CUX1: variants seen among roughly 807,000 people sequenced by gnomAD.
CUX1 encodes cut like homeobox 1.
In CUX1, 31 loss-of-function variants were observed where a neutral mutation model predicts 158.8. The ratio of observed to expected loss-of-function variants is 0.20; its 90% CI spans 0.15 to 0.26. CUX1 has a LOEUF of 0.26. CUX1 is among the 10% of genes least tolerant of loss of function. The pLI is 1.00. For synonymous variants in CUX1, 879 were observed against 862.1 expected (o/e 1.02, Z -0.34); for missense variants, 1,589 against 2,014.6 (o/e 0.79, Z 4.04).
chr7:102,051,417 G>A (rs566450892), intron 3 of CUX1, among the ~76,000 whole-genome samples: 1 of 151,738 alleles, frequency 6.6e-6, no homozygotes, highest in South Asian at 2.1e-4. Flanking sequence ...AGAGACTGAC[G>A]CGGGCGTATC....
chr7:101,920,779 C>T (rs1438449843), intron 2 of CUX1, among the ~76,000 whole-genome samples: 2 of 152,170 alleles, frequency 1.3e-5, no homozygotes, highest in Non-Finnish European at 2.9e-5. Flanking sequence ...TCTAACTGAA[C>T]ATCCATTCCC....
At chr7:101,871,013 C>T (rs1349408063) in intron 1 of CUX1, among the ~76,000 whole-genome samples, 1 of 152,188 alleles carries the variant, frequency 6.6e-6, no homozygotes, top group Non-Finnish European at 1.5e-5. Context: ...AGTAGGAGAG[C>T]GGGTGTTGCC....
At chr7:102,269,826 C>G (rs1041378719) in intron 14 of CUX1, among the ~76,000 whole-genome samples, 28 of 148,928 alleles carry the variant, frequency 1.9e-4, no homozygotes, top group Non-Finnish European at 3.0e-4. Context: ...CATGCCCCCC[C>G]CAAACGCTTC....
chr7:102,150,585 C>T (rs1421221805), intron 8 of CUX1, among the ~76,000 whole-genome samples: 2 of 152,198 alleles, frequency 1.3e-5, no homozygotes, highest in African/African-American at 4.8e-5. Context: ...CTGATGCCAG[C>T]GTGCTTATTT....
rs139384054 is a variant in CUX1 at position 102,138,148 on chromosome 7, C to T, written c.675-20412C>T. On this transcript the variant is annotated intron_variant, in intron 8 of 23. Transcript: ENST00000292535. ...GCAGTGAGCCAAAATCGTGCCACTG[C>T]ACCCCAGCCTGGGCAACAAAGTGAG... is the stretch of plus-strand genomic sequence containing the variant. Among the ~76,000 whole-genome samples, 1,379 of 152,214 alleles carry T rather than the reference C, an allele frequency of 9.1e-3. 15 individuals carry two copies. The highest frequency in any genetic ancestry group is 0.032 in the African/African-American group (1,330 of 41,536).
At chr7:102,131,126 ACT>A (rs1291943579) in intron 8 of CUX1, among the ~76,000 whole-genome samples, 1 of 150,374 alleles carries the variant, frequency 6.7e-6, no homozygotes, top group East Asian at 2.0e-4. Flanking sequence ...AAAAAAAAAA[ACT>A]CTCCAGTTTG....
At chr7:101,857,451 G>A (rs1398250718) in intron 1 of CUX1, among the ~76,000 whole-genome samples, 1 of 152,200 alleles carries the variant, frequency 6.6e-6, no homozygotes, top group Admixed American at 6.5e-5. Context: ...GGTATGATGG[G>A]GACGGATGAA....
intron 2 of CUX1, among the ~76,000 whole-genome samples, chr7:101,955,480 G>C (rs1051042395): frequency 1.3e-5 from 2 of 152,158 alleles, no homozygotes; most frequent in Admixed American, 6.5e-5. Flanking sequence ...GAGAGTAACC[G>C]AGCTGGAGTT....
chr7:101,984,871 ATATT>A (rs1228884380), intron 2 of CUX1, among the ~76,000 whole-genome samples: 1 of 152,242 alleles, frequency 6.6e-6, no homozygotes, highest in Non-Finnish European at 1.5e-5. Flanking sequence ...ATTTTATTAT[ATATT>A]AAAGTTTCTA....
chr7:102,089,950 G>C (rs1164180595), intron 4 of CUX1, among the ~76,000 whole-genome samples: 1 of 152,182 alleles, frequency 6.6e-6, no homozygotes, highest in Non-Finnish European at 1.5e-5. Context: ...TTCCTTCAGG[G>C]AAGTCTTGTT....
chr7:102,269,051 C>G (rs1202447232), intron 14 of CUX1, among the ~76,000 whole-genome samples: 1 of 151,942 alleles, frequency 6.6e-6, no homozygotes, highest in Non-Finnish European at 1.5e-5. Context: ...ATCCTCCCAT[C>G]TCAGCCTCCC....
intron 23 of CUX1, among the ~76,000 whole-genome samples, chr7:102,239,808 G>A (rs1378910888): frequency 1.3e-5 from 2 of 151,996 alleles, no homozygotes; most frequent in South Asian, 2.1e-4. Flanking sequence ...GTGCATTGGC[G>A]CAATCTCGGC....
chr7:101,933,038 G>A (rs1806468784), intron 2 of CUX1, among the ~76,000 whole-genome samples: 1 of 152,158 alleles, frequency 6.6e-6, no homozygotes, highest in Non-Finnish European at 1.5e-5. Flanking sequence ...AAATGAATTC[G>A]TTGATAACCC....
intron 23 of CUX1, among the ~76,000 whole-genome samples, chr7:102,240,727 T>G (rs1311345280): frequency 6.6e-6 from 1 of 152,242 alleles, no homozygotes; most frequent in Non-Finnish European, 1.5e-5. Context: ...CTTCTAGATC[T>G]CAGATTCTGA....
At chr7:101,913,627 C>T (rs1006322995) in intron 1 of CUX1, among the ~76,000 whole-genome samples, 6 of 152,168 alleles carry the variant, frequency 3.9e-5, no homozygotes, top group East Asian at 1.9e-4. Flanking sequence ...AGTTGGGGGT[C>T]GGGGCTGGGA....
intron 20 of CUX1, among the ~76,000 whole-genome samples, chr7:102,210,434 G>C (rs1796401487): frequency 6.6e-6 from 1 of 151,928 alleles, no homozygotes; most frequent in African/African-American, 2.4e-5. Context: ...AAGTAACCTG[G>C]TCTCTGTTGC....
chr7:102,004,140 C>A (rs919626256), intron 2 of CUX1, among the ~76,000 whole-genome samples: 5 of 152,182 alleles, frequency 3.3e-5, no homozygotes, highest in African/African-American at 1.2e-4. Flanking sequence ...TATCCTCACC[C>A]AATGGGGCTG....
At chr7:101,979,485 C>T (rs944708184) in intron 2 of CUX1, among the ~76,000 whole-genome samples, 4 of 152,114 alleles carry the variant, frequency 2.6e-5, no homozygotes, top group East Asian at 1.9e-4. Context: ...ATAAATCAAA[C>T]GTTGGGTTGA....
intron 2 of CUX1, among the ~76,000 whole-genome samples, chr7:101,988,998 AAAAAAT>A (rs1341020473): frequency 0.012 from 1,773 of 146,158 alleles, 42 homozygotes; most frequent in African/African-American, 0.043. Context: ...TGTCTCAAAA[AAAAAAT>A]AATAATAATA....
Sources: allele counts gnomAD v4.1 joint callset (sites outside exome capture counted in the v4.1 genomes callset), GRCh38; gene constraint gnomAD v4.1.1; transcripts MANE v1.5; gene names NCBI Gene and HGNC (gene_info 2026-07-23, HGNC 2026-07-21).